SEMA3A: variants seen among roughly 807,000 people sequenced by gnomAD.
SEMA3A encodes the protein semaphorin 3A.
SEMA3A carries 29 observed loss-of-function variants against 97.9 expected under a neutral mutation model. That is an observed-to-expected ratio of 0.30 (90% confidence interval 0.22 to 0.40). SEMA3A has a LOEUF of 0.40. Ranked by LOEUF, SEMA3A falls within the 10% of genes least tolerant of loss-of-function variation. The pLI, the probability that SEMA3A is intolerant of heterozygous loss-of-function variation, is 1.00. For missense variants in SEMA3A, 763 were observed against 951.3 expected, an observed-to-expected ratio of 0.80 and a Z score of 2.60; for synonymous variants, 321 against 323.7, an observed-to-expected ratio of 0.99 and a Z score of 0.09.
intron 3 of SEMA3A, among the ~76,000 whole-genome samples, chr7:84,227,738 A>G (rs1799022324): frequency 6.6e-6 from 1 of 152,022 alleles, no homozygotes; most frequent in Non-Finnish European, 1.5e-5. Context: ...TTTGAATGGA[A>G]CTGAAATACC....
chr7:84,431,008 T>C (rs542641756), intron 1 of SEMA3A, among the ~76,000 whole-genome samples: 256 of 152,092 alleles, frequency 1.7e-3, no homozygotes, highest in Non-Finnish European at 3.4e-3. Flanking sequence ...AGAAGCTGTA[T>C]AACATTTTCA....
chr7:84,393,715 A>C (rs1468436896), intron 1 of SEMA3A, among the ~76,000 whole-genome samples: 1 of 152,126 alleles, frequency 6.6e-6, no homozygotes, highest in African/African-American at 2.4e-5. Flanking sequence ...CTATTTAGAT[A>C]ATCTTAGAAA....
At chr7:84,187,229 T>G (rs565005959) in intron 1 of SEMA3A, among the ~76,000 whole-genome samples, 1 of 152,312 alleles carries the variant, frequency 6.6e-6, no homozygotes, top group South Asian at 2.1e-4. Flanking sequence ...ACTTACAACT[T>G]CATTTGGTAG....
At chr7:84,062,425 G>A (rs1006605975) in intron 4 of SEMA3A, among the ~76,000 whole-genome samples, 1 of 152,212 alleles carries the variant, frequency 6.6e-6, no homozygotes, top group Non-Finnish European at 1.5e-5. Flanking sequence ...AGCCAAGATG[G>A]CCGAATAGGA....
chr7:84,088,684 A>G (rs1794464778), intron 4 of SEMA3A, among the ~76,000 whole-genome samples: 1 of 152,286 alleles, frequency 6.6e-6, no homozygotes, highest in East Asian at 1.9e-4. Context: ...ATAAAATTTG[A>G]CATATTCAGA....
intron 6 of SEMA3A, among the ~76,000 whole-genome samples, chr7:84,031,561 C>T (rs67653050): frequency 0.29 from 44,456 of 151,790 alleles, 7,227 homozygotes; most frequent in East Asian, 0.6. Flanking sequence ...TGGCTGGGTG[C>T]GGTGGCTCAC....
chr7:84,103,149 G>A (rs187726155), intron 4 of SEMA3A, among the ~76,000 whole-genome samples: 92 of 152,136 alleles, frequency 6.0e-4, no homozygotes, highest in African/African-American at 2.0e-3. Flanking sequence ...CAGTCATTGC[G>A]GTGGGCAAAT....
intron 13 of SEMA3A, among the ~76,000 whole-genome samples, chr7:83,984,547 T>C (rs1789549859): frequency 1.3e-5 from 2 of 151,670 alleles, no homozygotes; most frequent in South Asian, 4.2e-4. Flanking sequence ...TTTTACAATT[T>C]TGTATATAAG....
At chr7:84,414,203 A>C (rs1338836906) in intron 1 of SEMA3A, among the ~76,000 whole-genome samples, 1 of 152,046 alleles carries the variant, frequency 6.6e-6, no homozygotes, top group African/African-American at 2.4e-5. Flanking sequence ...TTTTGTTTGA[A>C]ATCTGGAAGC....
At chr7:84,051,407 C>T (rs1283764319) in intron 5 of SEMA3A, among the ~76,000 whole-genome samples, 9 of 152,166 alleles carry the variant, frequency 5.9e-5, no homozygotes, top group Admixed American at 5.9e-4. Flanking sequence ...TTGTACTTCT[C>T]CTTAAAGAGG....
rs1386068900 is a variant in SEMA3A, at chr7:83,961,165, C to CT, written c.*205dup. ...GAACATCTGCATTCACCTGTGTTCT[C>CT]TGTTAGGTGGTGGTATTAGGAAAAA... On this transcript the variant is annotated 3_prime_UTR_variant, in exon 17 of 17. Transcript: ENST00000265362. The CT allele has an allele frequency of 1.7e-6, 1 of 579,984 alleles. No homozygotes were observed. Among genetic ancestry groups the CT allele is most frequent in the African/African-American group, 1.9e-5 (1 of 53,256 alleles). 35.9% of individuals were successfully genotyped at this position (579,984 alleles called of 1,614,324 possible).
At chr7:84,471,919 C>T (rs1317135808) in intron 1 of SEMA3A, among the ~76,000 whole-genome samples, 1 of 151,314 alleles carries the variant, frequency 6.6e-6, no homozygotes, top group East Asian at 1.9e-4. Flanking sequence ...AATCATCTGA[C>T]TTTCAGGTTT....
intron 1 of SEMA3A, among the ~76,000 whole-genome samples, chr7:84,464,683 T>C (rs1049969097): frequency 6.6e-6 from 1 of 152,194 alleles, no homozygotes; most frequent in Admixed American, 6.5e-5. Context: ...GTATTTTGTT[T>C]TCAAAAGATC....
chr7:83,999,195 G>A (rs945837103), intron 12 of SEMA3A, among the ~76,000 whole-genome samples: 3 of 152,022 alleles, frequency 2.0e-5, no homozygotes, highest in African/African-American at 4.8e-5. Flanking sequence ...GTTATGCAGC[G>A]CATGACTATA....
Position 84,335,397 on chromosome 7 carries a change from C to A in SEMA3A, c.-168-28105G>T, listed in dbSNP as rs1262733779. ...GATAAAAAATATATTTTTACATTAG[C>A]AAATATAGGTTATAGTTGTGGAAGA... On this transcript the variant is annotated intron_variant, in intron 2 of 3. Transcript: ENST00000424555. 3.3e-5 allele frequency among the ~76,000 whole-genome samples: 5 copies of A among 151,988 alleles called. No individual in the cohort carries two copies. The East Asian group carries it at 9.6e-4, about 29-fold the overall frequency.
chr7:84,104,870 A>G (rs570904191), intron 4 of SEMA3A, among the ~76,000 whole-genome samples: 1 of 152,314 alleles, frequency 6.6e-6, no homozygotes, highest in East Asian at 1.9e-4. Context: ...AATATAAATG[A>G]TGGTACTTTA....
chr7:84,441,073 A>G (rs1282269849), intron 1 of SEMA3A, among the ~76,000 whole-genome samples: 1 of 151,974 alleles, frequency 6.6e-6, no homozygotes, highest in Non-Finnish European at 1.5e-5. Context: ...CAGGAGAATC[A>G]CTTGAACCCG....
intron 2 of SEMA3A, among the ~76,000 whole-genome samples, chr7:84,367,067 A>G (rs1369458222): frequency 6.6e-6 from 1 of 151,308 alleles, no homozygotes; most frequent in East Asian, 1.9e-4. Context: ...CCATTTATAT[A>G]TGACATATGT....
At position 84,484,213 on chromosome 7, in the gene SEMA3A, C is replaced by G. The variant is rs1360032876; in HGVS notation, c.-246+8247G>C. ...GACCACTGTGTAAGGCTGTGGGTAG[C>G]TTTAACACAGTTTAAAGTTACACAT... is the stretch of plus-strand genomic sequence containing the variant. On this transcript the variant is annotated intron_variant, in intron 1 of 3. Coordinates refer to the SEMA3A transcript ENST00000424555. Among the ~76,000 whole-genome samples the G allele has an allele frequency of 2.6e-5, 4 of 151,990 alleles. 1 individual carries two copies. In the South Asian group the frequency reaches 8.3e-4, roughly 31 times the overall value.
Sources: allele counts gnomAD v4.1 joint callset (sites outside exome capture counted in the v4.1 genomes callset), GRCh38; gene constraint gnomAD v4.1.1; transcripts MANE v1.5; gene names NCBI Gene and HGNC (gene_info 2026-07-23, HGNC 2026-07-21).